Variants in PLD1 observed in about 807,000 individuals in gnomAD.
PLD1 encodes the protein choline phosphatase 1.
In PLD1, 112 loss-of-function variants were observed where a neutral mutation model predicts 137.1. The observed-to-expected ratio is 0.82, with a 90% CI of 0.70 to 0.96. The LOEUF (loss-of-function observed/expected upper bound fraction) is 0.96, where lower values mean the gene tolerates loss of function less well. Ranked by LOEUF, PLD1 falls within the 40% of genes least tolerant of loss-of-function variation. The pLI, the probability that PLD1 is intolerant of heterozygous loss-of-function variation, is 0.00. For synonymous variants in PLD1, 431 were observed against 454.7 expected (o/e 0.95, Z 0.66); for missense variants, 1,321 against 1,342.0 (o/e 0.98, Z 0.24).
chr3:171,661,987 G>A (rs1250493679), intron 20 of PLD1, 73 bp downstream of exon 20: 9 of 798,554 alleles, frequency 1.1e-5, no homozygotes, highest in Non-Finnish European at 1.9e-5. Flanking sequence ...CCTAAGTTTG[G>A]GGACCCTGAA....
chr3:171,803,759 G>A (rs543244428), intron 1 of PLD1, among the ~76,000 whole-genome samples: 1 of 152,124 alleles, frequency 6.6e-6, no homozygotes, highest in Non-Finnish European at 1.5e-5. Context: ...TATCATGGCC[G>A]CTTCCAAGTT....
intron 1 of PLD1, among the ~76,000 whole-genome samples, chr3:171,773,644 G>A (rs1358631177): frequency 1.3e-5 from 2 of 152,032 alleles, no homozygotes; most frequent in East Asian, 3.9e-4. Context: ...AATGAATAAG[G>A]ATAGCTATTA....
chr3:171,720,633 A>G (rs952971343), intron 8 of PLD1, among the ~76,000 whole-genome samples: 1 of 152,034 alleles, frequency 6.6e-6, no homozygotes, highest in Non-Finnish European at 1.5e-5. Flanking sequence ...ATTATATGTT[A>G]TCATCTATAT....
In PLD1 at chr3:171,715,574, A is replaced by G. The variant is rs551106643; in HGVS notation, c.759-1529T>C. On this transcript the variant is annotated intron_variant, in intron 8 of 26. Transcript: ENST00000351298. Reference sequence around the variant, plus strand: ...TTGCTTTGGATAGTATGGTCATTTTAACAGTATTAATTCTTCTGATCCTCT... The same window carrying G: ...TTGCTTTGGATAGTATGGTCATTTTGACAGTATTAATTCTTCTGATCCTCT... Among the ~76,000 whole-genome samples, 8 of 152,156 alleles carry G rather than the reference A, an allele frequency of 5.3e-5. No individual in the cohort carries two copies. The South Asian group carries it at 1.7e-3, about 32-fold the overall frequency.
At chr3:171,628,366 T>C (rs1165160571) in intron 23 of PLD1, among the ~76,000 whole-genome samples, 1 of 152,136 alleles carries the variant, frequency 6.6e-6, no homozygotes, top group Non-Finnish European at 1.5e-5. Flanking sequence ...GTGGCAATAA[T>C]CAATAGTTTA....
intron 23 of PLD1, among the ~76,000 whole-genome samples, chr3:171,620,905 G>A (rs1733579892): frequency 6.6e-6 from 1 of 151,758 alleles, no homozygotes; most frequent in Non-Finnish European, 1.5e-5. Flanking sequence ...TTAAAACTGA[G>A]CTGGAATAGA....
chr3:171,765,157 C>CA (rs1721893220), intron 1 of PLD1: 1 of 151,980 alleles, frequency 6.6e-6, no homozygotes, highest in Non-Finnish European at 1.5e-5. Flanking sequence ...TGTAGATATT[C>CA]AAAAAACCAA....
intron 8 of PLD1, among the ~76,000 whole-genome samples, chr3:171,715,083 T>A (rs1355037709): frequency 1.3e-5 from 2 of 152,190 alleles, no homozygotes; most frequent in African/African-American, 4.8e-5. Flanking sequence ...ATATTCCCAA[T>A]AACAATTTTC....
rs774704143 is a variant in PLD1 at position 171,710,872 on chromosome 3, C to CTTTTTTTTTTTTTTTTT, written c.912-1180_912-1164dup. Among the ~76,000 whole-genome samples, 42 of 98,568 alleles carry CTTTTTTTTTTTTTTTTT rather than the reference C, an allele frequency of 4.3e-4. 3 individuals are homozygous for CTTTTTTTTTTTTTTTTT. Among genetic ancestry groups the CTTTTTTTTTTTTTTTTT allele is most frequent in the African/African-American group, 1.6e-3 (34 of 21,374 alleles). The allele number at this position is 98,568 out of a possible 152,430, so 64.7% of individuals were successfully genotyped here. A position where few individuals can be genotyped will look rare whatever the true frequency, so the allele number is the denominator to read the frequency against. On this transcript the variant is annotated intron_variant, in intron 9 of 26. Transcript: ENST00000351298. ...TTTCACTAATCATAGGAAAACTGTTCTTTTTTTTTTTTTTTTTTTGAGACG... is the reference window on the plus strand; with the variant it reads ...TTTCACTAATCATAGGAAAACTGTTCTTTTTTTTTTTTTTTTTTTTTTTTTTTTTTTTTTTTGAGACG...
intron 21 of PLD1, among the ~76,000 whole-genome samples, chr3:171,649,930 C>A (rs1413771692): frequency 6.6e-6 from 1 of 152,192 alleles, no homozygotes; most frequent in Non-Finnish European, 1.5e-5. Flanking sequence ...TAGCACAATA[C>A]TTCTGGTACT....
chr3:171,795,684 AAC>A (rs902141720), intron 1 of PLD1, among the ~76,000 whole-genome samples: 13 of 152,310 alleles, frequency 8.5e-5, no homozygotes, highest in African/African-American at 3.1e-4. Flanking sequence ...AGTCACAAAG[AAC>A]ACACATACTC....
chr3:171,764,828 AAAGAAAGAAAG>A (rs1560287838), intron 1 of PLD1, among the ~76,000 whole-genome samples: 5,518 of 25,752 alleles, frequency 0.21, 1,874 homozygotes, highest in Middle Eastern at 0.35. Context: ...AAAGAAAGAG[AAAGAAAGAAAG>A]AAAGAAAGAA....
At chr3:171,776,696 G>A (rs992328475) in intron 1 of PLD1, among the ~76,000 whole-genome samples, 4 of 152,106 alleles carry the variant, frequency 2.6e-5, no homozygotes, top group South Asian at 2.1e-4. Flanking sequence ...TGTAACATCT[G>A]TCATGGCTCC....
chr3:171,672,942 A>C (rs1712942385), intron 19 of PLD1, among the ~76,000 whole-genome samples: 1 of 152,240 alleles, frequency 6.6e-6, no homozygotes, highest in South Asian at 2.1e-4. Context: ...ATGCAACGCT[A>C]TGCTAAAACT....
intron 23 of PLD1, among the ~76,000 whole-genome samples, chr3:171,639,820 TTCTCTCTCTCTC>T (rs778938858): frequency 8.5e-6 from 1 of 118,086 alleles, no homozygotes; most frequent in Non-Finnish European, 1.7e-5. Context: ...TTTACATAAT[TTCTCTCTCTCTC>T]TCTCTCTCTC....
chr3:171,767,960 G>GT lies in PLD1; in HGVS notation c.-31-29879_-31-29878insA, dbSNP rs1023884676. Among the ~76,000 whole-genome samples, 16 of 151,560 alleles carry GT rather than the reference G, an allele frequency of 1.1e-4. No individual in the cohort carries two copies. The South Asian group carries it at 2.7e-3, about 26-fold the overall frequency. On this transcript the variant is annotated intron_variant, in intron 1 of 26. Coordinates refer to ENST00000351298, the MANE Select transcript of PLD1 (RefSeq NM_002662.5). ...TCTGCCTCAAAAAAAAAGAGAGGGG[G>GT]GCTGGGGCTTAGAACAGTGACTGCA...
chr3:171,739,107 G>A (rs1447302236), intron 1 of PLD1, among the ~76,000 whole-genome samples: 1 of 152,174 alleles, frequency 6.6e-6, no homozygotes, highest in Non-Finnish European at 1.5e-5. Flanking sequence ...ACCTGATATG[G>A]GTGAGGAAAA....
intron 1 of PLD1, among the ~76,000 whole-genome samples, chr3:171,770,547 C>T (rs1722275158): frequency 6.6e-6 from 1 of 151,944 alleles, no homozygotes; most frequent in African/African-American, 2.4e-5. Flanking sequence ...CATATTTATA[C>T]CTAGAAGGTC....
chr3:171,660,176 A>G (rs1020078505), intron 20 of PLD1, among the ~76,000 whole-genome samples: 1 of 152,226 alleles, frequency 6.6e-6, no homozygotes, highest in African/African-American at 2.4e-5. Context: ...ACAACTCGTA[A>G]TTATCATCCC....
Sources: gnomAD v4.1 joint callset for allele counts (sites outside exome capture counted in the v4.1 genomes callset) on GRCh38, gnomAD v4.1.1 for gene constraint, MANE v1.5 for transcripts, NCBI Gene and HGNC (gene_info 2026-07-23, HGNC 2026-07-21) for gene names.